The following MSRB3 variants were observed in gnomAD, a reference collection of about 807,000 sequenced individuals.
The protein encoded by MSRB3 is methionine sulfoxide reductase B3.
In MSRB3, 13 loss-of-function variants were observed where a neutral mutation model predicts 21.0. The ratio of observed to expected loss-of-function variants is 0.62; its 90% CI spans 0.40 to 0.98. The LOEUF (loss-of-function observed/expected upper bound fraction) is 0.98, where lower values mean the gene tolerates loss of function less well. Among genes scored for constraint, MSRB3 ranks in the 50% least tolerant of loss-of-function variants. MSRB3 has a pLI of 0.00. For missense variants in MSRB3, 199 were observed against 230.3 expected (o/e 0.86, Z 0.88); for synonymous variants, 87 against 88.6 (o/e 0.98, Z 0.10).
chr12:65,403,296 C>A (rs1880233172), intron 5 of MSRB3, among the ~76,000 whole-genome samples: 1 of 152,228 alleles, frequency 6.6e-6, no homozygotes, highest in Admixed American at 6.5e-5. Flanking sequence ...TTCAGAGATT[C>A]CCTGCCCAGA....
At chr12:65,397,857 T>G (rs1325851817) in intron 5 of MSRB3, among the ~76,000 whole-genome samples, 1 of 152,172 alleles carries the variant, frequency 6.6e-6, no homozygotes, top group Non-Finnish European at 1.5e-5. Context: ...GAACATGCAG[T>G]GTTTGGTTTT....
chr12:65,314,634 A>G (rs1293659935), intron 2 of MSRB3, among the ~76,000 whole-genome samples: 1 of 152,148 alleles, frequency 6.6e-6, no homozygotes, highest in African/African-American at 2.4e-5. Context: ...TGTTGGGCAT[A>G]TGGTTTGTTA....
chr12:65,396,840 G>A (rs531386678), intron 5 of MSRB3, among the ~76,000 whole-genome samples: 11 of 152,256 alleles, frequency 7.2e-5, no homozygotes, highest in East Asian at 5.8e-4. Flanking sequence ...TTCTGCTGTC[G>A]TTGGATAAAG....
At chr12:65,379,742 C>A (rs1174493247) in intron 5 of MSRB3, among the ~76,000 whole-genome samples, 2 of 152,066 alleles carry the variant, frequency 1.3e-5, no homozygotes, top group African/African-American at 4.8e-5. Context: ...ATATTTTGCT[C>A]CAAGTTTGGC....
At chr12:65,371,587 G>A (rs190319729) in intron 5 of MSRB3, among the ~76,000 whole-genome samples, 14 of 151,456 alleles carry the variant, frequency 9.2e-5, no homozygotes, top group Non-Finnish European at 2.1e-4. Context: ...GTGTGTGTGT[G>A]TGTGTGTGTG....
intron 4 of MSRB3, among the ~76,000 whole-genome samples, chr12:65,342,562 G>C (rs945268444): frequency 5.3e-5 from 8 of 152,052 alleles, no homozygotes; most frequent in Middle Eastern, 3.4e-3. Flanking sequence ...CTGGATAGCA[G>C]TGTAATAAAT....
Position 65,466,394 on chromosome 12 carries a change from A to T in MSRB3, c.*3072A>T, listed in dbSNP as rs573402500. 1.3e-5 allele frequency: 2 copies of T among 152,206 alleles called. No individual in the cohort carries two copies. Among genetic ancestry groups the T allele is most frequent in the South Asian group, 4.1e-4 (2 of 4,830 alleles). 9.4% of individuals were successfully genotyped at this position (152,206 alleles called of 1,614,324 possible). A position where few individuals can be genotyped will look rare whatever the true frequency, so the allele number is the denominator to read the frequency against. On this transcript the variant is annotated 3_prime_UTR_variant, in exon 7 of 7. Coordinates refer to ENST00000308259, the MANE Select transcript of MSRB3 (RefSeq NM_001031679.3). ...TTATTTTTGCAGGATATGGAGTGCA[A>T]TGAACTGAGTCAATATGGCAAGGTG...
chr12:65,406,739 A>T (rs1226222877), intron 5 of MSRB3, among the ~76,000 whole-genome samples: 1 of 152,204 alleles, frequency 6.6e-6, no homozygotes, highest in East Asian at 1.9e-4. Flanking sequence ...CCCAATATTT[A>T]TGTTGAAACT....
chr12:65,319,568 G>A (rs994063168), intron 2 of MSRB3, among the ~76,000 whole-genome samples: 15 of 152,046 alleles, frequency 9.9e-5, no homozygotes, highest in African/African-American at 3.6e-4. Flanking sequence ...TGTATAGATT[G>A]TTTTTCTTAT....
chr12:65,400,961 T>G (rs557782786), intron 5 of MSRB3, among the ~76,000 whole-genome samples: 22 of 152,382 alleles, frequency 1.4e-4, no homozygotes, highest in Admixed American at 7.8e-4. Context: ...TGGATTACAC[T>G]GTGGTCTGAG....
intron 4 of MSRB3, among the ~76,000 whole-genome samples, chr12:65,341,010 A>T: frequency 6.6e-6 from 1 of 152,206 alleles, no homozygotes; most frequent in East Asian, 1.9e-4. Context: ...CAACTTATTG[A>T]CAAATGTAAA....
chr12:65,407,392 A>T (rs1457433229), intron 5 of MSRB3, among the ~76,000 whole-genome samples: 1 of 148,286 alleles, frequency 6.7e-6, no homozygotes, highest in African/African-American at 2.5e-5. Context: ...TCTTCATTGT[A>T]TGGTTTTTGA....
At chr12:65,301,142 C>T (rs537144391) in intron 1 of MSRB3, among the ~76,000 whole-genome samples, 16 of 152,030 alleles carry the variant, frequency 1.1e-4, no homozygotes, top group African/African-American at 3.9e-4. Flanking sequence ...TACAGGTGCT[C>T]AAAAATGATT....
intron 4 of MSRB3, among the ~76,000 whole-genome samples, chr12:65,347,139 T>G (rs986988033): frequency 1.8e-4 from 28 of 152,290 alleles, no homozygotes; most frequent in Admixed American, 1.1e-3. Flanking sequence ...TTGGTAGCTT[T>G]ATGGGGCTGG....
chr12:65,385,398 A>G (rs1028686324), intron 5 of MSRB3, among the ~76,000 whole-genome samples: 3 of 151,978 alleles, frequency 2.0e-5, no homozygotes, highest in African/African-American at 7.2e-5. Flanking sequence ...TCCTATTTTC[A>G]TAGTTAGGAA....
intron 5 of MSRB3, chr12:65,418,649 G>T (rs1232535120): frequency 3.2e-6 from 2 of 616,172 alleles, no homozygotes; most frequent in African/African-American, 3.7e-5. Context: ...AATCCATTTT[G>T]AGTTTTTTTT....
rs1877743151 is a variant in MSRB3 at position 65,362,115 on chromosome 12, G to A, written c.264-6883G>A. 2.0e-5 allele frequency among the ~76,000 whole-genome samples: 3 copies of A among 152,118 alleles called. No homozygotes were observed. In the South Asian group the frequency reaches 6.2e-4, roughly 32 times the overall value. ...ATGCCAGACCCTACTATCTAATTCA[G>A]TGAGGACTCTAGAGAAAGGCAGGTT... On this transcript the variant is annotated intron_variant, in intron 4 of 6. Coordinates refer to ENST00000308259, the MANE Select transcript of MSRB3 (RefSeq NM_001031679.3).
intron 4 of MSRB3, among the ~76,000 whole-genome samples, chr12:65,354,024 T>C (rs1592557064): frequency 6.6e-6 from 1 of 152,024 alleles, no homozygotes; most frequent in African/African-American, 2.4e-5. Flanking sequence ...GGTTGAAAAT[T>C]CTTTTCTTTA....
chr12:65,292,735 G>A (rs1872733209), intron 1 of MSRB3, among the ~76,000 whole-genome samples: 1 of 152,084 alleles, frequency 6.6e-6, no homozygotes, highest in South Asian at 2.1e-4. Context: ...GCAGCCCTGA[G>A]GTAAGAGTGT....
Sources: gnomAD v4.1 joint callset for allele counts (sites outside exome capture counted in the v4.1 genomes callset) on GRCh38, gnomAD v4.1.1 for gene constraint, MANE v1.5 for transcripts, NCBI Gene and HGNC (gene_info 2026-07-23, HGNC 2026-07-21) for gene names.